Variants in LRRC28 observed in about 807,000 individuals in gnomAD.
LRRC28 encodes the protein leucine-rich repeat-containing protein 28.
A neutral mutation model predicts 45.7 loss-of-function variants in LRRC28; 39 were observed. The observed-to-expected ratio is 0.85, with a 90% CI of 0.66 to 1.12. The LOEUF is 1.12. Ranked by LOEUF, LRRC28 falls within the 50% of genes most tolerant of loss-of-function variation. LRRC28 has a pLI of 0.00. For missense variants in LRRC28, 435 were observed against 438.5 expected, an observed-to-expected ratio of 0.99 and a Z score of 0.07; for synonymous variants, 206 against 178.8, an observed-to-expected ratio of 1.15 and a Z score of -1.22.
At chr15:99,338,800 A>G (rs1236156770) in intron 6 of LRRC28, among the ~76,000 whole-genome samples, 1 of 152,262 alleles carries the variant, frequency 6.6e-6, no homozygotes, top group Non-Finnish European at 1.5e-5. Flanking sequence ...TAACCCATTA[A>G]CAGTCTTTGA....
intron 5 of LRRC28, among the ~76,000 whole-genome samples, chr15:99,292,339 G>T (rs893908272): frequency 6.7e-6 from 1 of 150,168 alleles, no homozygotes; most frequent in African/African-American, 2.4e-5. Flanking sequence ...TTGAGCAGGG[G>T]GATTTATTAA....
intron 6 of LRRC28, among the ~76,000 whole-genome samples, chr15:99,339,229 G>A (rs1285195079): frequency 6.6e-6 from 1 of 152,080 alleles, no homozygotes; most frequent in African/African-American, 2.4e-5. Flanking sequence ...TTATCCAGGC[G>A]TGTTTACAAC....
intron 3 of LRRC28, among the ~76,000 whole-genome samples, chr15:99,281,289 G>GGA (rs1029388482): frequency 6.6e-5 from 10 of 151,758 alleles, no homozygotes; most frequent in African/African-American, 2.4e-4. Context: ...TTGTCACCCA[G>GGA]GAGTTACACT....
chr15:99,376,986 A>G (rs1253852931), intron 9 of LRRC28, among the ~76,000 whole-genome samples: 1 of 152,186 alleles, frequency 6.6e-6, no homozygotes. Flanking sequence ...GCTATTGTGA[A>G]TAGTGCCGCA....
intron 5 of LRRC28, among the ~76,000 whole-genome samples, chr15:99,293,628 A>AAAAAAAAAAAAAC (rs1567635396): frequency 4.2e-5 from 6 of 142,256 alleles, no homozygotes; most frequent in South Asian, 2.3e-4. Context: ...AAAAAAAAAA[A>AAAAAAAAAAAAAC]AAAAACCTAA....
intron 9 of LRRC28, among the ~76,000 whole-genome samples, chr15:99,382,595 A>G (rs1206665568): frequency 6.6e-6 from 1 of 152,170 alleles, no homozygotes; most frequent in African/African-American, 2.4e-5. Flanking sequence ...GTAGTTTGAG[A>G]ACATAATTTG....
At chr15:99,338,439 C>T (rs1373394026) in intron 6 of LRRC28, 2 of 152,088 alleles carry the variant, frequency 1.3e-5, no homozygotes, top group Admixed American at 6.5e-5. Flanking sequence ...TACCTCTTTA[C>T]AGTAGTTTGG....
Position 99,352,366 on chromosome 15 carries a change from C to T in LRRC28, c.593-3C>T. ...AATTACAGCACTTTTCTTTCTAATC[C>T]AGATTTAGGTCGATCTCGAGAACTA... On this transcript the variant is annotated splice_region_variant and splice_polypyrimidine_tract_variant and intron_variant, in intron 6 of 9. Coordinates refer to ENST00000301981, the MANE Select transcript of LRRC28 (RefSeq NM_144598.5). The T allele has an allele frequency of 6.2e-7, 1 of 1,606,638 alleles. No individual in the cohort carries two copies. Among genetic ancestry groups the T allele is most frequent in the Non-Finnish European group, 8.5e-7 (1 of 1,175,560 alleles).
At chr15:99,323,131 A>C (rs1341449405) in intron 5 of LRRC28, among the ~76,000 whole-genome samples, 1 of 152,224 alleles carries the variant, frequency 6.6e-6, no homozygotes, top group Non-Finnish European at 1.5e-5. Context: ...TCAGAACAGA[A>C]GCATCAAAGT....
At chr15:99,368,979 G>C (rs1295372122) in intron 9 of LRRC28, among the ~76,000 whole-genome samples, 5 of 152,240 alleles carry the variant, frequency 3.3e-5, no homozygotes, top group African/African-American at 1.2e-4. Flanking sequence ...AAATATCCAA[G>C]TTATCACTTA....
Position 99,363,268 on chromosome 15 carries a change from A to C in LRRC28, c.1031+3A>C. On this transcript the variant is annotated splice_donor_region_variant and intron_variant, in intron 9 of 9. Coordinates refer to ENST00000301981, the MANE Select transcript of LRRC28 (RefSeq NM_144598.5). Reference sequence around the variant, plus strand: ...CCAATGGCAGGGCTGCACCAGTGGTAATCATGCCTAAGTGGGCACCAGGGT... The same window carrying C: ...CCAATGGCAGGGCTGCACCAGTGGTCATCATGCCTAAGTGGGCACCAGGGT... 1 of 1,613,716 alleles carries C rather than the reference A, an allele frequency of 6.2e-7. No homozygotes were observed. The highest frequency in any genetic ancestry group is 8.5e-7 in the Non-Finnish European group (1 of 1,179,810).
intron 5 of LRRC28, among the ~76,000 whole-genome samples, chr15:99,296,004 CAT>C (rs1445056397): frequency 6.6e-6 from 1 of 152,180 alleles, no homozygotes; most frequent in Non-Finnish European, 1.5e-5. Context: ...TTATTGATCT[CAT>C]GTGGAGGTGA....
At chr15:99,318,832 G>C (rs145667907) in intron 5 of LRRC28, among the ~76,000 whole-genome samples, 1 of 151,886 alleles carries the variant, frequency 6.6e-6, no homozygotes, top group African/African-American at 2.4e-5. Context: ...TTTTTGTGTT[G>C]TGCATGTGTT....
intron 2 of LRRC28, chr15:99,259,787 T>G: frequency 2.7e-6 from 3 of 1,112,050 alleles, no homozygotes; most frequent in Non-Finnish European, 4.2e-6. Flanking sequence ...AATGCAGCAG[T>G]GATTCGGTCA....
intron 5 of LRRC28, among the ~76,000 whole-genome samples, chr15:99,307,649 C>G (rs1241296007): frequency 6.6e-6 from 1 of 152,102 alleles, no homozygotes; most frequent in East Asian, 1.9e-4. Context: ...TTCTGCCTTC[C>G]CAGTTTATTT....
intron 5 of LRRC28, among the ~76,000 whole-genome samples, chr15:99,309,342 A>G (rs1955142418): frequency 6.6e-6 from 1 of 152,066 alleles, no homozygotes; most frequent in African/African-American, 2.4e-5. Context: ...TCTGAATTCT[A>G]CCCCAGTTTA....
chr15:99,332,650 T>A (rs1956196916), intron 5 of LRRC28, among the ~76,000 whole-genome samples: 1 of 152,166 alleles, frequency 6.6e-6, no homozygotes, highest in Non-Finnish European at 1.5e-5. Context: ...AAAAACCAGT[T>A]TCAGCTTGCA....
At chr15:99,357,742 A>T (rs557376012) in intron 7 of LRRC28, among the ~76,000 whole-genome samples, 13 of 152,256 alleles carry the variant, frequency 8.5e-5, no homozygotes, top group Admixed American at 8.5e-4. Flanking sequence ...AAATATCGAT[A>T]ATTTATTCAA....
At chr15:99,330,877 T>C (rs1956138747) in intron 5 of LRRC28, among the ~76,000 whole-genome samples, 1 of 152,166 alleles carries the variant, frequency 6.6e-6, no homozygotes, top group South Asian at 2.1e-4. Context: ...TTTTTTTAAC[T>C]ATATATTTTT....
Sources: allele counts gnomAD v4.1 joint callset (sites outside exome capture counted in the v4.1 genomes callset), GRCh38; gene constraint gnomAD v4.1.1; transcripts MANE v1.5; gene names NCBI Gene and HGNC (gene_info 2026-07-23, HGNC 2026-07-21).